The following DCC variants were observed in gnomAD, a reference collection of about 807,000 sequenced individuals.
DCC encodes the protein netrin receptor DCC.
A neutral mutation model predicts 172.5 loss-of-function variants in DCC; 58 were observed. The ratio of observed to expected loss-of-function variants is 0.34; its 90% CI spans 0.27 to 0.42. The LOEUF is 0.42. DCC is among the 10% of genes least tolerant of loss of function. The pLI is 1.00. For synonymous variants in DCC, 709 were observed against 644.5 expected (o/e 1.10, Z -1.52); for missense variants, 1,740 against 1,791.0 (o/e 0.97, Z 0.51).
At chr18:53,208,372 C>T (rs890939538) in intron 11 of DCC, among the ~76,000 whole-genome samples, 4 of 151,762 alleles carry the variant, frequency 2.6e-5, no homozygotes, top group Non-Finnish European at 5.9e-5. Context: ...TGACTATTGA[C>T]TAAGAGCTAA....
intron 8 of DCC, 58 bp from the exon 9 acceptor site, chr18:53,178,904 A>T: frequency 1.3e-6 from 2 of 1,599,682 alleles, no homozygotes; most frequent in Non-Finnish European, 1.7e-6. Flanking sequence ...TCAAATACAG[A>T]TTTTGGCTGA....
intron 13 of DCC, among the ~76,000 whole-genome samples, chr18:53,306,607 G>A (rs1248983274): frequency 6.6e-6 from 1 of 152,196 alleles, no homozygotes; most frequent in East Asian, 1.9e-4. Context: ...CTCACTGGTT[G>A]AGTTCACCAA....
chr18:53,387,208 C>A (rs1210532556), intron 16 of DCC, among the ~76,000 whole-genome samples: 1 of 152,176 alleles, frequency 6.6e-6, no homozygotes, highest in Non-Finnish European at 1.5e-5. Context: ...GAACTTAGTG[C>A]AGTTTGTTTG....
intron 1 of DCC, among the ~76,000 whole-genome samples, chr18:52,694,089 C>T (rs184472798): frequency 6.6e-6 from 1 of 152,004 alleles, no homozygotes; most frequent in Non-Finnish European, 1.5e-5. Context: ...AATAGCATGT[C>T]CCCCAGTATG....
At chr18:52,596,161 A>G (rs2033906407) in intron 1 of DCC, among the ~76,000 whole-genome samples, 1 of 152,176 alleles carries the variant, frequency 6.6e-6, no homozygotes, top group Non-Finnish European at 1.5e-5. Flanking sequence ...TCATTTATTT[A>G]TAGTGTTCAC....
chr18:52,959,540 G>A (rs964493955), intron 5 of DCC, among the ~76,000 whole-genome samples: 1 of 148,022 alleles, frequency 6.8e-6, no homozygotes, highest in Non-Finnish European at 1.5e-5. Flanking sequence ...ATAGTGTGAC[G>A]GGTTTGCTCC....
intron 12 of DCC, among the ~76,000 whole-genome samples, chr18:53,263,918 A>G (rs760206237): frequency 2.0e-5 from 3 of 152,138 alleles, no homozygotes; most frequent in Non-Finnish European, 4.4e-5. Flanking sequence ...TTTTAAAGGA[A>G]TAATTACAAT....
At chr18:53,332,613 G>A (rs1191581332) in intron 14 of DCC, among the ~76,000 whole-genome samples, 1 of 151,878 alleles carries the variant, frequency 6.6e-6, no homozygotes, top group Non-Finnish European at 1.5e-5. Context: ...AATATTAGTA[G>A]GAATAACTGA....
intron 15 of DCC, among the ~76,000 whole-genome samples, chr18:53,377,426 A>C (rs565851451): frequency 6.6e-6 from 1 of 151,112 alleles, no homozygotes; most frequent in East Asian, 1.9e-4. Flanking sequence ...ACAGGAACCC[A>C]CTCCTGCAAT....
chr18:53,448,282 G>A (rs1912757499), intron 22 of DCC, among the ~76,000 whole-genome samples: 1 of 152,132 alleles, frequency 6.6e-6, no homozygotes, highest in Admixed American at 6.5e-5. Flanking sequence ...AGTTCAGCGT[G>A]GCTTGGGATG....
chr18:52,470,262 G>A (rs892348221), intron 1 of DCC, among the ~76,000 whole-genome samples: 2 of 152,154 alleles, frequency 1.3e-5, no homozygotes, highest in African/African-American at 4.8e-5. Flanking sequence ...GGTTTATTAT[G>A]AGCTTATGCA....
intron 14 of DCC, among the ~76,000 whole-genome samples, chr18:53,337,641 T>A (rs2057606902): frequency 1.3e-5 from 2 of 152,156 alleles, no homozygotes; most frequent in African/African-American, 4.8e-5. Context: ...CAAAGGGCCA[T>A]CTTTGGGGGA....
chr18:52,667,756 C>T (rs895786722), intron 1 of DCC, among the ~76,000 whole-genome samples: 2 of 152,142 alleles, frequency 1.3e-5, no homozygotes, highest in East Asian at 1.9e-4. Context: ...ATTGTGCCTT[C>T]CCTAAGCAAA....
chr18:52,376,195 C>G (rs8090856), intron 1 of DCC, among the ~76,000 whole-genome samples: 8 of 152,080 alleles, frequency 5.3e-5, no homozygotes, highest in African/African-American at 1.9e-4. Context: ...TTATCTTTTG[C>G]TTAAAAAGAA....
At chr18:53,407,974 CA>C (rs570713095) in intron 19 of DCC, among the ~76,000 whole-genome samples, 1 of 152,140 alleles carries the variant, frequency 6.6e-6, no homozygotes, top group Non-Finnish European at 1.5e-5. Context: ...AAAGGTCATA[CA>C]ACTTTTTAAG....
chr18:53,413,296 C>G (rs1169999722), intron 20 of DCC, among the ~76,000 whole-genome samples: 1 of 152,128 alleles, frequency 6.6e-6, no homozygotes, highest in Admixed American at 6.6e-5. Context: ...TCTCCCCTAT[C>G]CAAGAATATA....
chr18:52,498,895 T>TA (rs1166849795), intron 1 of DCC, among the ~76,000 whole-genome samples: 2 of 152,154 alleles, frequency 1.3e-5, no homozygotes, highest in Non-Finnish European at 2.9e-5. Context: ...TTACTTTACT[T>TA]ATGTAAGGAC....
At chr18:52,889,651 G>A in intron 2 of DCC, among the ~76,000 whole-genome samples, 1 of 152,110 alleles carries the variant, frequency 6.6e-6, no homozygotes, top group East Asian at 1.9e-4. Context: ...TGTTTGTACA[G>A]TTAATTGCTT....
At chr18:53,127,149 T>C (rs1271405028) in intron 7 of DCC, among the ~76,000 whole-genome samples, 1 of 151,744 alleles carries the variant, frequency 6.6e-6, no homozygotes, top group Non-Finnish European at 1.5e-5. Flanking sequence ...TTTTTTTTTT[T>C]TTCATTTAAA....
Sources: gnomAD v4.1 joint callset for allele counts (sites outside exome capture counted in the v4.1 genomes callset) on GRCh38, gnomAD v4.1.1 for gene constraint, MANE v1.5 for transcripts, NCBI Gene and HGNC (gene_info 2026-07-23, HGNC 2026-07-21) for gene names.